The following NRXN1 variants were observed in gnomAD, a reference collection of about 807,000 sequenced individuals.
NRXN1 encodes the protein neurexin-1.
Under a neutral mutation model 150.9 loss-of-function variants are expected in NRXN1, and 39 were observed. The ratio of observed to expected loss-of-function variants is 0.26; its 90% confidence interval spans 0.20 to 0.34. NRXN1 has a LOEUF of 0.34. Ranked by LOEUF, NRXN1 falls within the 10% of genes least tolerant of loss-of-function variation. NRXN1 has a pLI of 1.00. For synonymous variants in NRXN1, 924 were observed against 757.0 expected (o/e 1.22, Z -3.62); for missense variants, 1,815 against 1,949.9 (o/e 0.93, Z 1.30).
intron 2 of NRXN1, among the ~76,000 whole-genome samples, chr2:50,980,915 G>C (rs1696682319): frequency 6.6e-6 from 1 of 151,936 alleles, no homozygotes. Flanking sequence ...ATACCCTGCT[G>C]TGCCCTAACA....
intron 18 of NRXN1, among the ~76,000 whole-genome samples, chr2:50,092,282 A>G (rs1293781440): frequency 6.6e-6 from 1 of 152,198 alleles, no homozygotes; most frequent in Non-Finnish European, 1.5e-5. Flanking sequence ...TAACTTTAGA[A>G]TTTCATAATA....
chr2:50,679,067 C>G (rs1391575168), intron 5 of NRXN1, among the ~76,000 whole-genome samples: 2 of 152,004 alleles, frequency 1.3e-5, no homozygotes, highest in Non-Finnish European at 2.9e-5. Context: ...GGGGCATGTA[C>G]AGGCACATGC....
At chr2:50,662,839 CT>C (rs1302945712) in intron 5 of NRXN1, among the ~76,000 whole-genome samples, 1 of 151,978 alleles carries the variant, frequency 6.6e-6, no homozygotes, top group East Asian at 1.9e-4. Flanking sequence ...GACACTAGCA[CT>C]GAAGGTGTAG....
intron 5 of NRXN1, among the ~76,000 whole-genome samples, chr2:50,886,167 C>T (rs1250901291): frequency 6.6e-6 from 1 of 151,024 alleles, no homozygotes; most frequent in Non-Finnish European, 1.5e-5. Flanking sequence ...AAACCAAACA[C>T]AAAGGTGTTT....
chr2:51,004,288 G>A (rs1018878663), intron 2 of NRXN1, among the ~76,000 whole-genome samples: 1 of 151,924 alleles, frequency 6.6e-6, no homozygotes, highest in African/African-American at 2.4e-5. Context: ...AAAATGTGCA[G>A]AGCCTAAAAC....
chr2:50,367,044 G>T (rs897509900), intron 17 of NRXN1, among the ~76,000 whole-genome samples: 4 of 151,968 alleles, frequency 2.6e-5, no homozygotes, highest in African/African-American at 9.7e-5. Context: ...AGGCGTCTGG[G>T]AGAGACATTT....
At chr2:50,321,576 T>C (rs76121743) in intron 17 of NRXN1, among the ~76,000 whole-genome samples, 5,418 of 152,210 alleles carry the variant, frequency 0.036, 321 homozygotes, top group African/African-American at 0.12. Context: ...CATTTTTTTT[T>C]CCTAAGTAGC....
chr2:50,779,249 C>A (rs1354971931), intron 5 of NRXN1, among the ~76,000 whole-genome samples: 1 of 107,146 alleles, frequency 9.3e-6, no homozygotes, highest in African/African-American at 3.9e-5. Context: ...TGTGCAACTC[C>A]CACTTATGAG....
chr2:50,024,882 C>G (rs567190430), intron 21 of NRXN1, among the ~76,000 whole-genome samples: 45 of 152,090 alleles, frequency 3.0e-4, no homozygotes, highest in Non-Finnish European at 5.7e-4. Context: ...TCCCAGAATG[C>G]TGGGATTACA....
rs867038202 is a variant in NRXN1 at position 50,611,408 on chromosome 2, T to C, written c.1320+8614A>G. Among the ~76,000 whole-genome samples, 12 of 152,084 alleles carry C rather than the reference T, an allele frequency of 7.9e-5. 1 individual carries two copies. In the Middle Eastern group the frequency reaches 9.5e-3, roughly 120 times the overall value. On this transcript the variant is annotated intron_variant, in intron 8 of 22. Coordinates refer to ENST00000401669, the MANE Select transcript of NRXN1 (RefSeq NM_001330078.2). ...TGTGGGTCCCCTGGAAAGGAAAGAT[T>C]CTATGTTTGAAAAGCTGAATTCCAG... is the stretch of plus-strand genomic sequence containing the variant.
chr2:49,928,481 C>G (rs1194515989), intron 22 of NRXN1, among the ~76,000 whole-genome samples: 1 of 152,034 alleles, frequency 6.6e-6, no homozygotes, highest in East Asian at 1.9e-4. Flanking sequence ...CTAGGCTAGA[C>G]TTGAAAGTGA....
At chr2:50,705,808 C>T (rs576046696) in intron 5 of NRXN1, among the ~76,000 whole-genome samples, 27 of 152,188 alleles carry the variant, frequency 1.8e-4, no homozygotes, top group African/African-American at 5.8e-4. Flanking sequence ...TCAGGAATTG[C>T]CCTTATGTTG....
chr2:51,018,492 G>A (rs758164067), intron 2 of NRXN1, among the ~76,000 whole-genome samples: 9 of 152,042 alleles, frequency 5.9e-5, no homozygotes, highest in Non-Finnish European at 1.0e-4. Context: ...ATAGTACAGG[G>A]CATTCATCTT....
At chr2:50,860,348 C>T (rs1344340025) in intron 5 of NRXN1, among the ~76,000 whole-genome samples, 1 of 151,880 alleles carries the variant, frequency 6.6e-6, no homozygotes, top group African/African-American at 2.4e-5. Flanking sequence ...ACAGCAGCCT[C>T]GTATTTTTAT....
At chr2:50,154,938 A>T (rs984527784) in intron 18 of NRXN1, among the ~76,000 whole-genome samples, 1 of 151,702 alleles carries the variant, frequency 6.6e-6, no homozygotes, top group Non-Finnish European at 1.5e-5. Context: ...TGCCCAATAG[A>T]TTATATTAAA....
At chr2:51,000,537 T>C (rs956002727) in intron 2 of NRXN1, among the ~76,000 whole-genome samples, 1 of 90,066 alleles carries the variant, frequency 1.1e-5, no homozygotes, top group Non-Finnish European at 2.2e-5. Context: ...ATATTATTAC[T>C]ATTACCAAAA....
chr2:50,607,780 T>G (rs770821627), intron 8 of NRXN1, among the ~76,000 whole-genome samples: 1 of 151,366 alleles, frequency 6.6e-6, no homozygotes, highest in African/African-American at 2.4e-5. Flanking sequence ...TAGTTTTGAA[T>G]TGATATTAAA....
In NRXN1 at chr2:50,928,488, T is replaced by C. The variant is rs370991999; in HGVS notation, c.773-2533A>G. Among the ~76,000 whole-genome samples the C allele has an allele frequency of 2.2e-4, 34 of 152,202 alleles. No individual in the cohort carries two copies. The East Asian group carries it at 2.3e-3, about 10-fold the overall frequency. On this transcript the variant is annotated intron_variant, in intron 2 of 22. Coordinates refer to ENST00000401669, the MANE Select transcript of NRXN1 (RefSeq NM_001330078.2). ...ATTTGGACGTGATTATAACTGGTGG[T>C]AGCTCCAGCATTTACAACCATTCTC...
intron 5 of NRXN1, chr2:50,633,100 A>G (rs1325093858): frequency 6.6e-6 from 1 of 152,098 alleles, no homozygotes; most frequent in African/African-American, 2.4e-5. Flanking sequence ...ATGCAACTGC[A>G]TTTACGGTTC....
Sources: allele counts gnomAD v4.1 joint callset (sites outside exome capture counted in the v4.1 genomes callset), GRCh38; gene constraint gnomAD v4.1.1; transcripts MANE v1.5; gene names NCBI Gene and HGNC (gene_info 2026-07-23, HGNC 2026-07-21).